BANP: variants seen among roughly 807,000 people sequenced by gnomAD.
BANP encodes the protein BTG3 associated nuclear protein, also known as protein BANP.
In BANP, 11 loss-of-function variants were observed where a neutral mutation model predicts 68.1. The observed-to-expected ratio is 0.16, with a 90% CI of 0.10 to 0.27. The LOEUF is 0.27. Ranked by LOEUF, BANP falls within the 10% of genes least tolerant of loss-of-function variation. The probability of loss-of-function intolerance (pLI) is 1.00; values close to 1 mark genes in which losing one functional copy is unlikely to be tolerated. For missense variants in BANP, 504 were observed against 722.7 expected (o/e 0.70, Z 3.47); for synonymous variants, 329 against 303.2 (o/e 1.09, Z -0.88).
intron 4 of BANP, among the ~76,000 whole-genome samples, 198 bp downstream of exon 4, chr16:87,984,457 G>A (rs1274490101): frequency 6.6e-6 from 1 of 152,222 alleles, no homozygotes; most frequent in African/African-American, 2.4e-5. Context: ...AGGATGACCT[G>A]AAGTCATCCT....
At chr16:88,035,708 T>A (rs1261393899) in intron 10 of BANP, among the ~76,000 whole-genome samples, 1 of 152,238 alleles carries the variant, frequency 6.6e-6, no homozygotes, top group African/African-American at 2.4e-5. Context: ...CTGCCCTTCC[T>A]GCCAGGGGAG....
intron 1 of BANP, among the ~76,000 whole-genome samples, chr16:87,965,892 G>GA (rs1490089034): frequency 1.3e-5 from 2 of 152,172 alleles, no homozygotes; most frequent in African/African-American, 4.8e-5. Context: ...AGCAGTCCAG[G>GA]AGGGCGGAGT....
At chr16:88,052,034 C>G (rs2083374430) in intron 11 of BANP, among the ~76,000 whole-genome samples, 1 of 152,158 alleles carries the variant, frequency 6.6e-6, no homozygotes, top group Non-Finnish European at 1.5e-5. Flanking sequence ...CCTCAGATAC[C>G]TCTTGAAGCA....
intron 1 of BANP, among the ~76,000 whole-genome samples, chr16:87,969,615 C>T (rs969250020): frequency 6.6e-6 from 1 of 151,778 alleles, no homozygotes; most frequent in African/African-American, 2.4e-5. Context: ...TCACTGCAAC[C>T]TCTGCCTCCC....
At chr16:87,954,769 GTTCT>G (rs2144544216) in intron 1 of BANP, among the ~76,000 whole-genome samples, 1 of 152,326 alleles carries the variant, frequency 6.6e-6, no homozygotes, top group Admixed American at 6.5e-5. Flanking sequence ...TCAGGAGTGT[GTTCT>G]TTCTTGTGGG....
intron 1 of BANP, among the ~76,000 whole-genome samples, chr16:87,956,158 G>A (rs569544335): frequency 1.1e-3 from 163 of 152,318 alleles, no homozygotes; most frequent in Middle Eastern, 3.4e-3. Flanking sequence ...AAAAACTCCA[G>A]TTACACGATT....
intron 4 of BANP, among the ~76,000 whole-genome samples, chr16:87,993,617 T>A (rs1598218296): frequency 1.1e-5 from 1 of 88,730 alleles, no homozygotes; most frequent in Non-Finnish European, 2.5e-5. Flanking sequence ...TTTTTTCTTT[T>A]GAGACAGAGT....
intron 6 of BANP, among the ~76,000 whole-genome samples, chr16:88,010,688 C>G (rs1197874864): frequency 1.3e-5 from 2 of 152,256 alleles, no homozygotes; most frequent in African/African-American, 2.4e-5. Flanking sequence ...AAACATGTAG[C>G]CACGCTGTGC....
intron 7 of BANP, among the ~76,000 whole-genome samples, chr16:88,023,739 C>A (rs1480716349): frequency 6.6e-6 from 1 of 152,212 alleles, no homozygotes; most frequent in Non-Finnish European, 1.5e-5. Context: ...CCACCAGAGT[C>A]AGTAACGGGG....
At chr16:88,048,655 A>G (rs1598852182) in intron 11 of BANP, among the ~76,000 whole-genome samples, 1 of 152,198 alleles carries the variant, frequency 6.6e-6, no homozygotes, top group East Asian at 1.9e-4. Context: ...GTGGATTCTA[A>G]CAGTGTTCTT....
intron 4 of BANP, among the ~76,000 whole-genome samples, chr16:87,993,473 G>C (rs1464238905): frequency 6.6e-6 from 1 of 152,190 alleles, no homozygotes. Context: ...ATCTAGTTCT[G>C]CTTCATTCTG....
chr16:87,959,649 T>C (rs1201148437), intron 1 of BANP, among the ~76,000 whole-genome samples: 1 of 152,074 alleles, frequency 6.6e-6, no homozygotes, highest in African/African-American at 2.4e-5. Flanking sequence ...GAGGGACACA[T>C]GGAGCATTGG....
chr16:88,055,943 A>C (rs926382321), intron 11 of BANP, among the ~76,000 whole-genome samples: 1 of 152,206 alleles, frequency 6.6e-6, no homozygotes, highest in African/African-American at 2.4e-5. Context: ...AAAAGGTCTG[A>C]AGTGGAGTGA....
upstream of BANP, chr16:87,950,934 C>A (rs1034016778): frequency 1.3e-5 from 2 of 152,344 alleles, no homozygotes; most frequent in African/African-American, 4.8e-5. Context: ...GCAGGTAGGA[C>A]CCGCTGGGGG....
At chr16:88,054,914 C>A (rs1484238731) in intron 11 of BANP, among the ~76,000 whole-genome samples, 1 of 152,112 alleles carries the variant, frequency 6.6e-6, no homozygotes, top group African/African-American at 2.4e-5. Flanking sequence ...ACAGTTAGTA[C>A]CAAACTCTGT....
Position 87,975,006 on chromosome 16 carries a change from A to T in BANP, c.-68-42A>T, listed in dbSNP as rs527780091. 23 of 892,710 alleles carry T rather than the reference A, an allele frequency of 2.6e-5. No individual in the cohort carries two copies. In the East Asian group the frequency reaches 5.1e-4, roughly 20 times the overall value. 55.3% of individuals were successfully genotyped at this position (892,710 alleles called of 1,614,324 possible). ...GGTTTTCATAATTTCACGTGTAGCG[A>T]TGGTTAATGTCCTCTCCTCCTCCTT... On this transcript the variant is annotated intron_variant, in intron 1 of 13. Transcript: ENST00000682872.
intron 3 of BANP, 136 bp from the exon 4 acceptor site, chr16:87,983,924 G>A (rs1374225934): frequency 1.5e-6 from 2 of 1,350,380 alleles, no homozygotes; most frequent in South Asian, 3.0e-5. Flanking sequence ...ATAGCTCACG[G>A]GCTATTTCCA....
At chr16:87,994,202 G>C (rs1461236859) in intron 4 of BANP, among the ~76,000 whole-genome samples, 1 of 152,230 alleles carries the variant, frequency 6.6e-6, no homozygotes, top group Non-Finnish European at 1.5e-5. Context: ...ATCCTGTGCC[G>C]TTGCAGAGTG....
At position 88,036,508 on chromosome 16, in the gene BANP, CGTG is replaced by C. The variant is rs1567830448; in HGVS notation, c.1272+1116_1272+1118del. Among the ~76,000 whole-genome samples, 1 of 152,110 alleles carries C rather than the reference CGTG, an allele frequency of 6.6e-6. No individual in the cohort carries two copies. Among genetic ancestry groups the C allele is most frequent in the Non-Finnish European group, 1.5e-5 (1 of 68,014 alleles). ...CTGTGGACACATGCACGCCGTGGCA[CGTG>C]GAGCACCAGGGACTCGGGCGTGTCT... is the stretch of plus-strand genomic sequence containing the variant. On this transcript the variant is annotated intron_variant, in intron 10 of 13. Transcript: ENST00000682872. The surrounding 1 kb of genome is among the most constrained non-coding windows in gnomAD (Gnocchi z 4.2).
Sources: allele counts gnomAD v4.1 joint callset (sites outside exome capture counted in the v4.1 genomes callset), GRCh38; gene constraint gnomAD v4.1.1; non-coding constraint Gnocchi (gnomAD v3.1); transcripts MANE v1.5; gene names NCBI Gene and HGNC (gene_info 2026-07-23, HGNC 2026-07-21).